MYO3B: variants seen among roughly 807,000 people sequenced by gnomAD.
MYO3B encodes the protein myosin IIIB.
MYO3B carries 156 observed loss-of-function variants against 174.6 expected under a neutral mutation model. That is an observed-to-expected ratio of 0.89 (90% confidence interval 0.78 to 1.02). The LOEUF is 1.02. Among genes scored for constraint, MYO3B ranks in the 50% least tolerant of loss-of-function variants. The pLI is 0.00. For missense variants in MYO3B, 1,632 were observed against 1,639.4 expected, an observed-to-expected ratio of 1.00 and a Z score of 0.08; for synonymous variants, 563 against 569.1, an observed-to-expected ratio of 0.99 and a Z score of 0.15.
At chr2:170,227,583 C>G (rs1273340326) in intron 6 of MYO3B, among the ~76,000 whole-genome samples, 1 of 152,134 alleles carries the variant, frequency 6.6e-6, no homozygotes, top group Non-Finnish European at 1.5e-5. Flanking sequence ...CAGTGCCCGG[C>G]CTCCCATACC....
intron 7 of MYO3B, among the ~76,000 whole-genome samples, chr2:170,290,641 C>T (rs996653988): frequency 4.6e-5 from 7 of 152,140 alleles, no homozygotes; most frequent in African/African-American, 1.7e-4. Flanking sequence ...CAGCCACTCT[C>T]TAACTTTTAG....
chr2:170,625,603 A>T (rs1172136603), intron 32 of MYO3B, among the ~76,000 whole-genome samples: 1 of 151,998 alleles, frequency 6.6e-6, no homozygotes, highest in Non-Finnish European at 1.5e-5. Context: ...TAGCTTTTGA[A>T]TGTGTTTGCT....
rs1208240364 is a variant in MYO3B, at chr2:170,551,067, T to G, written c.3733+7079T>G. Among the ~76,000 whole-genome samples the G allele has an allele frequency of 5.3e-5, 8 of 151,890 alleles. No homozygotes were observed. In the South Asian group the frequency reaches 1.7e-3, roughly 32 times the overall value. On this transcript the variant is annotated intron_variant, in intron 32 of 34. Coordinates refer to ENST00000408978, the MANE Select transcript of MYO3B (RefSeq NM_138995.5). ...GCCTGAGCCACCACACCTGGCTTTT[T>G]TTTGTATTTTTTTGTAGAGACAGGA...
intron 23 of MYO3B, among the ~76,000 whole-genome samples, chr2:170,459,942 C>G (rs1458544871): frequency 6.6e-6 from 1 of 152,138 alleles, no homozygotes; most frequent in Non-Finnish European, 1.5e-5. Flanking sequence ...TGAGCCTGCC[C>G]CCACCCGGAA....
chr2:170,407,791 C>A lies in MYO3B; in HGVS notation c.2597C>A (p.Thr866Lys), dbSNP rs375030821. ...GCCGATGTGGTTGTGGTCCTGAGAA[C>A]GTCAGAAAACAAGCTTCTTCAGCAG... ...LPADVVVVLRTSENKLLQQLF... is the reference protein window; with the variant it reads ...LPADVVVVLRKSENKLLQQLF... The change falls in exon 22 of 35, where the codon ACG becomes AAG. Residue 866 changes from threonine to lysine, a missense_variant. Physicochemically the swap from Thr to Lys is moderately conservative, Grantham distance 78 (BLOSUM62 -1). Transcript: ENST00000408978. 1 of 1,613,962 alleles carries A rather than the reference C, an allele frequency of 6.2e-7. No homozygotes were observed. The highest frequency in any genetic ancestry group is 8.5e-7 in the Non-Finnish European group (1 of 1,179,970).
intron 28 of MYO3B, among the ~76,000 whole-genome samples, chr2:170,510,964 A>G (rs1430409518): frequency 2.0e-5 from 3 of 151,868 alleles, no homozygotes; most frequent in South Asian, 2.1e-4. Flanking sequence ...ATGTACCACA[A>G]TTTTATTCAT....
At chr2:170,338,855 A>G (rs2093961218) in intron 8 of MYO3B, among the ~76,000 whole-genome samples, 1 of 152,172 alleles carries the variant, frequency 6.6e-6, no homozygotes, top group Non-Finnish European at 1.5e-5. Context: ...TGCCCACCTC[A>G]GCCTCCCAAA....
intron 8 of MYO3B, among the ~76,000 whole-genome samples, chr2:170,355,524 C>G (rs562064871): frequency 3.7e-4 from 56 of 152,288 alleles, no homozygotes; most frequent in African/African-American, 1.3e-3. Context: ...GACATTTTAG[C>G]TGGAGTAATT....
chr2:170,555,085 ATTTG>A (rs72016077), intron 32 of MYO3B, among the ~76,000 whole-genome samples: 5,952 of 152,132 alleles, frequency 0.039, 367 homozygotes, highest in African/African-American at 0.13. Flanking sequence ...AGAATAATAA[ATTTG>A]TTTGCGTTTT....
intron 5 of MYO3B, among the ~76,000 whole-genome samples, chr2:170,215,894 GATGT>G (rs1183156902): frequency 3.3e-5 from 5 of 152,194 alleles, no homozygotes; most frequent in African/African-American, 9.6e-5. Context: ...AATTGATACT[GATGT>G]ATTCACTCAG....
intron 32 of MYO3B, among the ~76,000 whole-genome samples, chr2:170,617,410 G>A (rs1695530720): frequency 6.6e-6 from 1 of 152,136 alleles, no homozygotes; most frequent in Non-Finnish European, 1.5e-5. Context: ...TAATTATGTT[G>A]GTTTTTGAAC....
intron 32 of MYO3B, chr2:170,644,721 A>G (rs377335078): frequency 6.6e-6 from 1 of 152,252 alleles, no homozygotes; most frequent in South Asian, 2.1e-4. Context: ...GATTGACTGA[A>G]TTCAGCTATT....
rs1248602218 is a variant in MYO3B at position 170,463,386 on chromosome 2, A to G, written c.2749A>G (p.Ile917Val). ...CTTCCAGGTGGACACTCTGGAGGTG[A>G]TACGGCATCCGGAAGAAACCACCAA... The part of the protein sequence containing the change: ...GKAKVDTLEV[I>V]RHPEETTNMK... Residue 917 changes from isoleucine (I) to valine (V), a missense_variant, in exon 24 of 35, where the codon ATA becomes GTA. By Grantham distance (29) the Ile-to-Val change is conservative. Coordinates refer to ENST00000408978, the MANE Select transcript of MYO3B (RefSeq NM_138995.5). 2.5e-6 allele frequency: 4 copies of G among 1,613,930 alleles called. No individual in the cohort carries two copies. Among genetic ancestry groups the G allele is most frequent in the Middle Eastern group, 1.7e-4 (1 of 5,864 alleles).
chr2:170,463,136 A>G (rs967985443), intron 23 of MYO3B, among the ~76,000 whole-genome samples: 1 of 152,262 alleles, frequency 6.6e-6, no homozygotes, highest in African/African-American at 2.4e-5. Context: ...AGAGGGGTTT[A>G]CACTGAAACC....
intron 7 of MYO3B, among the ~76,000 whole-genome samples, chr2:170,316,069 ATTGT>A (rs1574772739): frequency 1.3e-5 from 2 of 152,312 alleles, no homozygotes; most frequent in East Asian, 3.9e-4. Flanking sequence ...ATTACTATTG[ATTGT>A]TATTGTGTTC....
chr2:170,438,308 T>A (rs1291569049), intron 22 of MYO3B, among the ~76,000 whole-genome samples: 2 of 152,204 alleles, frequency 1.3e-5, no homozygotes, highest in Non-Finnish European at 2.9e-5. Flanking sequence ...ATATATCAAA[T>A]GTTCTTTATC....
chr2:170,653,913 A>G lies in MYO3B; in HGVS notation c.*792A>G, dbSNP rs1351571706. On this transcript the variant is annotated 3_prime_UTR_variant, in exon 35 of 35. Transcript: ENST00000408978. ...TTCTGTAACTCTCCATTCACTGGTC[A>G]AATAACTCCATGAGGCTATCAGTGG... is the stretch of plus-strand genomic sequence containing the variant. 6.6e-6 allele frequency: 1 copy of G among 152,212 alleles called. No individual in the cohort carries two copies. The highest frequency in any genetic ancestry group is 1.5e-5 in the Non-Finnish European group (1 of 68,044). 9.4% of individuals were successfully genotyped at this position (152,212 alleles called of 1,614,324 possible). A position where few individuals can be genotyped will look rare whatever the true frequency, so the allele number is the denominator to read the frequency against.
intron 22 of MYO3B, among the ~76,000 whole-genome samples, chr2:170,414,117 T>C (rs2094563315): frequency 6.6e-6 from 1 of 152,236 alleles, no homozygotes; most frequent in South Asian, 2.1e-4. Context: ...CAATTGGTTA[T>C]TATTTATGTG....
At chr2:170,217,258 C>T (rs2092839516) in intron 5 of MYO3B, 61 bp from the exon 6 acceptor site, 114 of 1,461,510 alleles carry the variant, frequency 7.8e-5, no homozygotes, top group Non-Finnish European at 9.5e-5. Context: ...AAAAGTCTGC[C>T]GATTGCTGGT....
Sources: gnomAD v4.1 joint callset for allele counts (sites outside exome capture counted in the v4.1 genomes callset) on GRCh38, gnomAD v4.1.1 for gene constraint, MANE v1.5 for transcripts, NCBI Gene and HGNC (gene_info 2026-07-23, HGNC 2026-07-21) for gene names.